PC: variants seen among roughly 807,000 people sequenced by gnomAD.
The protein encoded by PC is pyruvate carboxylase, mitochondrial.
A neutral mutation model predicts 107.8 loss-of-function variants in PC; 46 were observed. The observed-to-expected ratio is 0.43, with a 90% CI of 0.34 to 0.55. The LOEUF (loss-of-function observed/expected upper bound fraction) is 0.55. Among genes scored for constraint, PC ranks in the 20% least tolerant of loss-of-function variants. PC has a pLI of 0.04. For synonymous variants in PC, 662 were observed against 684.7 expected (o/e 0.97, Z 0.52); for missense variants, 1,241 against 1,643.1 (o/e 0.76, Z 4.23).
intron 2 of PC, among the ~76,000 whole-genome samples, 166 bp from the exon 3 acceptor site, chr11:66,952,634 C>T (rs189439656): frequency 6.6e-4 from 100 of 152,298 alleles, no homozygotes; most frequent in African/African-American, 2.3e-3. Context: ...CTCTGCTTCC[C>T]GGATTCAAGC....
intron 3 of PC, among the ~76,000 whole-genome samples, chr11:66,903,043 T>C (rs1235414230): frequency 6.6e-6 from 1 of 152,164 alleles, no homozygotes; most frequent in Non-Finnish European, 1.5e-5. Flanking sequence ...CTGCTCCACA[T>C]TAGCAGGGGG....
At chr11:66,939,804 C>CAAAA (rs56761659) in intron 3 of PC, among the ~76,000 whole-genome samples, 115 of 40,074 alleles carry the variant, frequency 2.9e-3, no homozygotes, top group African/African-American at 0.011. Flanking sequence ...AACTCCGTCT[C>CAAAA]AAAAAAAAAA....
chr11:66,913,853 G>A (rs1006729323), intron 3 of PC, among the ~76,000 whole-genome samples: 1 of 152,052 alleles, frequency 6.6e-6, no homozygotes, highest in Non-Finnish European at 1.5e-5. Context: ...CCAGCCCCAG[G>A]CACTGGAGGA....
At chr11:66,951,806 C>T (rs973208857) in intron 3 of PC, among the ~76,000 whole-genome samples, 2 of 151,766 alleles carry the variant, frequency 1.3e-5, no homozygotes, top group Non-Finnish European at 2.9e-5. Context: ...AGGAGAATTG[C>T]TTGAACCCAG....
chr11:66,942,122 G>C (rs937171475), intron 3 of PC, among the ~76,000 whole-genome samples: 1 of 146,422 alleles, frequency 6.8e-6, no homozygotes, highest in Non-Finnish European at 1.5e-5. Context: ...AAAAATGCTG[G>C]GCGCGGTGGC....
chr11:66,898,766 T>C (rs1007627266), intron 3 of PC, among the ~76,000 whole-genome samples: 1 of 152,190 alleles, frequency 6.6e-6, no homozygotes, highest in African/African-American at 2.4e-5. Context: ...TTTAGAACAT[T>C]TCCTATCCCC....
In PC at chr11:66,851,138, C is replaced by T. The variant is rs1460007192; in HGVS notation, c.2125G>A (p.Asp709Asn). ...TTGGTGCGGCTGGGGTCGGCCACGT[C>T]GCCCGTGTATGAGATGGCAGCCTCC... ...VVEAAISYTG[D>N]VADPSRTKYS... is the part of the protein sequence containing the mutation. The change falls in exon 17 of 23, where the codon GAC becomes AAC. Residue 709 changes from aspartate (D) to asparagine (N), a missense_variant. Asp to Asn is a conservative substitution (Grantham distance 23, BLOSUM62 1). Transcript: ENST00000393960. 1.6e-5 allele frequency: 26 copies of T among 1,612,560 alleles called. No individual in the cohort carries two copies. The highest frequency in any genetic ancestry group is 6.7e-5 in the African/African-American group (5 of 74,932).
intron 12 of PC, among the ~76,000 whole-genome samples, chr11:66,863,047 G>T (rs1184430029): frequency 2.0e-5 from 3 of 152,136 alleles, no homozygotes; most frequent in Admixed American, 6.6e-5. Flanking sequence ...CAGAAATTAA[G>T]AATTATCTGG....
Position 66,863,754 on chromosome 11 carries a change from C to CG in PC, c.1368+19dup. The CG allele has an allele frequency of 6.3e-7, 1 of 1,597,074 alleles. No individual in the cohort carries two copies. Among genetic ancestry groups the CG allele is most frequent in the Non-Finnish European group, 8.5e-7 (1 of 1,171,984 alleles). On this transcript the variant is annotated intron_variant, in intron 12 of 22. Transcript: ENST00000393960. ...TCCAAGGGCCGGGAGCAAAGGCAGG[C>CG]GGGGGCTGCAGCCTCTCACCTTCAC... is the stretch of plus-strand genomic sequence containing the variant.
chr11:66,895,929 G>A (rs1364927846), intron 3 of PC, among the ~76,000 whole-genome samples: 5 of 152,202 alleles, frequency 3.3e-5, no homozygotes, highest in African/African-American at 9.7e-5. Flanking sequence ...TTCAGATCCT[G>A]TAAGCTTTCC....
chr11:66,891,095 C>T (rs866634354), intron 3 of PC, among the ~76,000 whole-genome samples: 9 of 151,940 alleles, frequency 5.9e-5, no homozygotes, highest in African/African-American at 2.2e-4. Flanking sequence ...CTCGCTCTGT[C>T]GCCCAAGCTT....
At chr11:66,887,326 A>C (rs2135999798) in intron 3 of PC, among the ~76,000 whole-genome samples, 1 of 152,214 alleles carries the variant, frequency 6.6e-6, no homozygotes, top group East Asian at 1.9e-4. Flanking sequence ...TCACCAAAAC[A>C]AATTGGGATT....
intron 3 of PC, among the ~76,000 whole-genome samples, chr11:66,897,026 G>C (rs1565270455): frequency 6.6e-6 from 1 of 152,052 alleles, no homozygotes; most frequent in Non-Finnish European, 1.5e-5. Flanking sequence ...CTGCCCCCGG[G>C]ATTCAAGAGA....
intron 3 of PC, among the ~76,000 whole-genome samples, chr11:66,931,441 G>A (rs1017507968): frequency 6.6e-6 from 1 of 151,630 alleles, no homozygotes; most frequent in Non-Finnish European, 1.5e-5. Flanking sequence ...AACCGGGGAG[G>A]GAACATAGGG....
chr11:66,859,630 C>G (rs962014971), intron 12 of PC: 2 of 1,612,694 alleles, frequency 1.2e-6, no homozygotes, highest in Non-Finnish European at 1.7e-6. Context: ...CCTGCCCTTG[C>G]CTGCAGGATT....
At chr11:66,882,119 A>G (rs1020469454) in intron 3 of PC, among the ~76,000 whole-genome samples, 1 of 152,222 alleles carries the variant, frequency 6.6e-6, no homozygotes, top group Non-Finnish European at 1.5e-5. Context: ...CTAATAAATC[A>G]TCAAAATGTC....
Position 66,870,989 on chromosome 11 carries a change from T to G in PC, c.633+63A>C. The G allele has an allele frequency of 6.2e-7, 1 of 1,610,558 alleles. No individual in the cohort carries two copies. The highest frequency in any genetic ancestry group is 8.5e-7 in the Non-Finnish European group (1 of 1,178,142). On this transcript the variant is annotated intron_variant, in intron 7 of 22. Coordinates refer to ENST00000393960, the MANE Select transcript of PC (RefSeq NM_001040716.2). The surrounding 1 kb of genome is among the most constrained non-coding windows in gnomAD (Gnocchi z 6.1). ...CCCACTTTCCAGATCCCTTGAGTGG[T>G]CCGCCCCTGCCCCCACGGCAGGCTG... is the stretch of plus-strand genomic sequence containing the variant.
intron 3 of PC, among the ~76,000 whole-genome samples, chr11:66,898,026 G>C (rs1164305754): frequency 6.6e-6 from 1 of 152,162 alleles, no homozygotes; most frequent in Non-Finnish European, 1.5e-5. Flanking sequence ...CCAGCTCCAG[G>C]GCCCCTGTTT....
At chr11:66,936,059 A>G (rs150182890) in intron 3 of PC, among the ~76,000 whole-genome samples, 3,136 of 145,678 alleles carry the variant, frequency 0.022, 105 homozygotes, top group African/African-American at 0.074. Context: ...AGCATGAGTG[A>G]CAGAGTGAGA....
Sources: gnomAD v4.1 joint callset for allele counts (sites outside exome capture counted in the v4.1 genomes callset) on GRCh38, gnomAD v4.1.1 for gene constraint, Gnocchi (gnomAD v3.1) non-coding constraint, MANE v1.5 for transcripts, NCBI Gene and HGNC (gene_info 2026-07-23, HGNC 2026-07-21) for gene names.